Variants in CLDN14 observed in about 807,000 individuals in gnomAD.
CLDN14 encodes the protein claudin-14.
CLDN14 carries 2 observed loss-of-function variants against 2.1 expected under a neutral mutation model. The observed-to-expected ratio is 0.96, with a 90% CI of 0.39 to 3.01. CLDN14 has a LOEUF of 3.01. CLDN14 is among the 30% of genes most tolerant of loss of function. The probability of loss-of-function intolerance (pLI) is 0.09; values close to 1 mark genes in which losing one functional copy is unlikely to be tolerated. For synonymous variants in CLDN14, 136 were observed against 154.4 expected, an observed-to-expected ratio of 0.88 and a Z score of 0.88; for missense variants, 298 against 328.0, an observed-to-expected ratio of 0.91 and a Z score of 0.71.
intron 1 of CLDN14, among the ~76,000 whole-genome samples, chr21:36,531,290 TG>T (rs200045720): frequency 3.1e-5 from 4 of 127,430 alleles, no homozygotes; most frequent in African/African-American, 8.5e-5. Flanking sequence ...TTGCTATAAA[TG>T]TTTTTTTTTT....
intron 1 of CLDN14, among the ~76,000 whole-genome samples, chr21:36,518,790 C>T (rs2087247785): frequency 1.3e-5 from 2 of 152,050 alleles, no homozygotes; most frequent in Non-Finnish European, 2.9e-5. Context: ...AGAGAAAGGG[C>T]GACTATCAGG....
chr21:36,464,514 T>A (rs935916114), intron 1 of CLDN14, among the ~76,000 whole-genome samples: 1 of 152,162 alleles, frequency 6.6e-6, no homozygotes, highest in Non-Finnish European at 1.5e-5. Flanking sequence ...ACTCACTCTG[T>A]CCAGGGGCTA....
chr21:36,523,528 C>A (rs2087289156), intron 1 of CLDN14, among the ~76,000 whole-genome samples: 2 of 152,038 alleles, frequency 1.3e-5, no homozygotes, highest in African/African-American at 4.8e-5. Flanking sequence ...GGGTGGACCA[C>A]TTGAAGCCAG....
chr21:36,548,733 G>A lies in CLDN14; in HGVS notation c.-220+27678C>T, dbSNP rs114147115. ...TGCCAAAGGCATCGATGACCCCCTG[G>A]GATTGGTCAGTTGATGTGGGGAGGC... On this transcript the variant is annotated intron_variant, in intron 1 of 2. Coordinates refer to the CLDN14 transcript ENST00000342108. Among the ~76,000 whole-genome samples the A allele has an allele frequency of 6.9e-3, 1,047 of 152,230 alleles. 13 individuals carry two copies. Among genetic ancestry groups the A allele is most frequent in the African/African-American group, 0.024 (978 of 41,538 alleles).
intron 1 of CLDN14, among the ~76,000 whole-genome samples, chr21:36,548,087 C>T (rs1369382844): frequency 7.2e-5 from 11 of 152,148 alleles, no homozygotes; most frequent in African/African-American, 2.7e-4. Context: ...CACTGCACTC[C>T]CCTCCACTGC....
chr21:36,508,876 C>T (rs536171153), intron 2 of CLDN14, among the ~76,000 whole-genome samples: 5 of 152,206 alleles, frequency 3.3e-5, no homozygotes, highest in Non-Finnish European at 7.4e-5. Context: ...AGGACATTGT[C>T]CTGTGGGTTG....
intron 2 of CLDN14, among the ~76,000 whole-genome samples, chr21:36,506,666 A>G (rs41378546): frequency 0.031 from 4,646 of 152,060 alleles, 239 homozygotes; most frequent in African/African-American, 0.11. Context: ...GGCTGCACAA[A>G]AAGCCGTTCA....
rs558092171 is a variant in CLDN14, at chr21:36,517,243, G to C, written c.-219-6743C>G. ...TTCAGTGTCCATTATATAAAGTTTT[G>C]TTGGAACACAGCCACATTCGTTTGT... On this transcript the variant is annotated intron_variant, in intron 1 of 2. Transcript: ENST00000342108. Among the ~76,000 whole-genome samples, 4 of 152,292 alleles carry C rather than the reference G, an allele frequency of 2.6e-5. No individual in the cohort carries two copies. In the East Asian group the frequency reaches 5.8e-4, roughly 22 times the overall value.
chr21:36,460,920 A>G lies in CLDN14; in HGVS notation c.*56T>C. ...TGCTGGAACCCCTGCCTCCATTGAC[A>G]GTCCCGCCGGGGACCCAGCCCACAG... On this transcript the variant is annotated 3_prime_UTR_variant, in exon 2 of 2. Coordinates refer to ENST00000399135, the MANE Select transcript of CLDN14 (RefSeq NM_001146079.2). This position sits in a 1 kb window ranked among gnomAD's most constrained non-coding sequence, Gnocchi z 4.0. 2.5e-6 allele frequency: 4 copies of G among 1,583,338 alleles called. No homozygotes were observed. Among genetic ancestry groups the G allele is most frequent in the Non-Finnish European group, 3.4e-6 (4 of 1,163,432 alleles).
At chr21:36,462,240 C>T (rs1003124473) in intron 1 of CLDN14, among the ~76,000 whole-genome samples, 7 of 152,176 alleles carry the variant, frequency 4.6e-5, no homozygotes, top group Middle Eastern at 6.3e-3. Context: ...TCCCCACCCA[C>T]GTGCTCGGGC....
In CLDN14 at chr21:36,486,777, C is replaced by T. The variant is rs940637072; in HGVS notation, c.-82+23586G>A. The stretch of plus-strand genomic sequence containing the variant: ...GGCTTCCCACGAAGGCAATGATATG[C>T]GTCTTGTGATTCTTGCCCCGTCAGC... On this transcript the variant is annotated intron_variant, in intron 2 of 2. Transcript: ENST00000342108. 8.2e-5 allele frequency: 66 copies of T among 804,468 alleles called. No homozygotes were observed. In the East Asian group the frequency reaches 8.6e-4, roughly 10 times the overall value. The allele number at this position is 804,468 out of a possible 1,614,324, so 49.8% of individuals were successfully genotyped here. A position where few individuals can be genotyped will look rare whatever the true frequency, so the allele number is the denominator to read the frequency against.
At chr21:36,501,332 C>CTTTTTTTT (rs58458004) in intron 2 of CLDN14, among the ~76,000 whole-genome samples, 774 of 48,420 alleles carry the variant, frequency 0.016, 277 homozygotes, top group Non-Finnish European at 0.025. Context: ...CAATATCTCA[C>CTTTTTTTT]TTTTTTTTTT....
At chr21:36,548,592 C>T (rs953726718) in intron 1 of CLDN14, among the ~76,000 whole-genome samples, 1 of 152,152 alleles carries the variant, frequency 6.6e-6, no homozygotes, top group Non-Finnish European at 1.5e-5. Flanking sequence ...AGGGTGGAGA[C>T]CAAGTCTGTG....
At chr21:36,540,472 T>A (rs2087479612) in intron 1 of CLDN14, among the ~76,000 whole-genome samples, 1 of 152,212 alleles carries the variant, frequency 6.6e-6, no homozygotes, top group Admixed American at 6.5e-5. Context: ...AATTACCAGC[T>A]GATTTGTTCC....
chr21:36,526,486 A>T (rs935398742), intron 1 of CLDN14: 5 of 152,172 alleles, frequency 3.3e-5, no homozygotes, highest in African/African-American at 1.2e-4. Context: ...TCTCTTTTTA[A>T]ATGCTATTCA....
At chr21:36,472,677 G>T (rs1482881446) in intron 1 of CLDN14, among the ~76,000 whole-genome samples, 3 of 152,238 alleles carry the variant, frequency 2.0e-5, no homozygotes, top group African/African-American at 7.2e-5. Flanking sequence ...TTAAGCCACA[G>T]AAATTAATTT....
At chr21:36,560,922 A>T (rs1351860212) in intron 1 of CLDN14, among the ~76,000 whole-genome samples, 1 of 152,192 alleles carries the variant, frequency 6.6e-6, no homozygotes, top group Middle Eastern at 3.2e-3. Flanking sequence ...GTTTGTTTTT[A>T]ATTTCTAACC....
chr21:36,491,298 T>C (rs2086961967), intron 2 of CLDN14, among the ~76,000 whole-genome samples: 1 of 152,196 alleles, frequency 6.6e-6, no homozygotes, highest in Non-Finnish European at 1.5e-5. Context: ...CTCACTGTGT[T>C]CAGCTCTTAA....
rs886057051 is a variant in CLDN14 at position 36,461,749 on chromosome 21, C to T, written c.-54G>A. 77 of 1,537,080 alleles carry T rather than the reference C, an allele frequency of 5.0e-5. No homozygotes were observed. The highest frequency in any genetic ancestry group is 2.2e-4 in the East Asian group (9 of 40,770). The stretch of plus-strand genomic sequence containing the variant: ...GCAGCTCCCTGGGCCCTCGGGGTCA[C>T]GCCGCTCCTCAGGTGCCAGCCGGAG... On this transcript the variant is annotated 5_prime_UTR_variant, in exon 2 of 2. The change creates a new upstream start codon in the 5' untranslated region. Coordinates refer to ENST00000399135, the MANE Select transcript of CLDN14 (RefSeq NM_001146079.2).
Sources: allele counts gnomAD v4.1 joint callset (sites outside exome capture counted in the v4.1 genomes callset), GRCh38; gene constraint gnomAD v4.1.1; non-coding constraint Gnocchi (gnomAD v3.1); transcripts MANE v1.5; gene names NCBI Gene and HGNC (gene_info 2026-07-23, HGNC 2026-07-21).